The following NFASC variants were observed in gnomAD, a reference collection of about 807,000 sequenced individuals.
The protein encoded by NFASC is neurofascin homolog.
NFASC carries 43 observed loss-of-function variants against 147.5 expected under a neutral mutation model. That is an observed-to-expected ratio of 0.29 (90% confidence interval 0.23 to 0.38). The LOEUF is 0.38. Among genes scored for constraint, NFASC ranks in the 10% least tolerant of loss-of-function variants. The pLI, the probability that NFASC is intolerant of heterozygous loss-of-function variation, is 1.00. For synonymous variants in NFASC, 622 were observed against 665.5 expected (o/e 0.93, Z 1.01); for missense variants, 1,320 against 1,689.0 (o/e 0.78, Z 3.83).
intron 1 of NFASC, among the ~76,000 whole-genome samples, chr1:204,872,667 A>C (rs2077944148): frequency 1.3e-5 from 2 of 152,154 alleles, no homozygotes. Flanking sequence ...GAGGGCCTTC[A>C]TCATAGAGTT....
At position 204,987,995 on chromosome 1, in the gene NFASC, G is replaced by T. The variant is rs1251397488; in HGVS notation, c.2593+455G>T. Among the ~76,000 whole-genome samples the T allele has an allele frequency of 6.6e-6, 1 of 152,172 alleles. No homozygotes were observed. Among genetic ancestry groups the T allele is most frequent in the Non-Finnish European group, 1.5e-5 (1 of 68,038 alleles). On this transcript the variant is annotated intron_variant, in intron 22 of 29. Coordinates refer to ENST00000339876, the MANE Select transcript of NFASC (RefSeq NM_001005388.3). The surrounding 1 kb of genome is among the most constrained non-coding windows in gnomAD (Gnocchi z 4.4). ...TAGAGCTGCCCGGTGACTGTGGGGT[G>T]ACCCGAATCAGGAGCCTGGGTTGGA...
At chr1:205,009,431 AG>A in intron 27 of NFASC, 125 bp from the exon 28 acceptor site, 2 of 1,007,270 alleles carry the variant, frequency 2.0e-6, no homozygotes, top group Non-Finnish European at 3.2e-6. Context: ...GGGGGCTGCT[AG>A]GTGGTAGTGT....
rs2095371548 is a variant in NFASC at position 204,975,263 on chromosome 1, C to T, written c.1559-8C>T. On this transcript the variant is annotated splice_polypyrimidine_tract_variant and splice_region_variant and intron_variant, in intron 14 of 29. Coordinates refer to ENST00000339876, the MANE Select transcript of NFASC (RefSeq NM_001005388.3). The surrounding 1 kb of genome is among the most constrained non-coding windows in gnomAD (Gnocchi z 4.0). The stretch of plus-strand genomic sequence containing the variant: ...GGCCAGTGGCGAGTGCTCTGGGCTT[C>T]TCCACAGACCCCACCAGGATCTACC... 1 of 1,605,176 alleles carries T rather than the reference C, an allele frequency of 6.2e-7. No homozygotes were observed. Among genetic ancestry groups the T allele is most frequent in the Non-Finnish European group, 8.5e-7 (1 of 1,174,364 alleles).
At chr1:204,943,778 C>T (rs2149789793) in intron 2 of NFASC, among the ~76,000 whole-genome samples, 4 of 152,324 alleles carry the variant, frequency 2.6e-5, no homozygotes, top group Middle Eastern at 6.8e-3. Context: ...GAGATTGGTG[C>T]ATTTCTTACC....
chr1:204,879,972 C>T lies in NFASC; in HGVS notation c.-199-40660C>T, dbSNP rs76719827. ...GGGCACAGCTGGTGGTGCTGGCCCTCTCATTCTGGGGTGAAGTGGCTTGGC... is the reference window on the plus strand; with the variant it reads ...GGGCACAGCTGGTGGTGCTGGCCCTTTCATTCTGGGGTGAAGTGGCTTGGC... On this transcript the variant is annotated intron_variant, in intron 1 of 29. Transcript: ENST00000339876. Among the ~76,000 whole-genome samples, 1,417 of 152,284 alleles carry T rather than the reference C, an allele frequency of 9.3e-3. 35 individuals are homozygous for T. The highest frequency in any genetic ancestry group is 0.033 in the African/African-American group (1,352 of 41,546).
In NFASC at chr1:204,976,688, A is replaced by G. The variant is rs1163270206; in HGVS notation, c.1724A>G (p.Asp575Gly). ...CTTTGCAGGATGAAGAAGGAAGACG[A>G]CTCCCTGACCATCTTTGGGGTGGCA... ...YIGNRMKKED[D>G]SLTIFGVAER... Residue 575 changes from aspartate to glycine, a missense_variant, in exon 16 of 30, where the codon GAC becomes GGC. This residue lies in a region of NFASC where 981 missense variants were observed against 1,289.5 expected (regional missense o/e 0.76). Transcript: ENST00000339876. 1 of 1,613,212 alleles carries G rather than the reference A, an allele frequency of 6.2e-7. No homozygotes were observed. Among genetic ancestry groups the G allele is most frequent in the South Asian group, 1.1e-5 (1 of 90,962 alleles).
At position 204,828,747 on chromosome 1, in the gene NFASC, G is replaced by A; in HGVS notation, c.-235G>A. On this transcript the variant is annotated 5_prime_UTR_variant, in exon 1 of 30. Transcript: ENST00000339876. ...TGGCGGCGCCGGCAGCGGACAGCTC[G>A]GACAGCGCCCAGGGCCGGAGCCCGA... 1.0e-6 allele frequency: 1 copy of A among 985,990 alleles called. No homozygotes were observed. The highest frequency in any genetic ancestry group is 1.2e-6 in the Non-Finnish European group (1 of 830,502). The allele number at this position is 985,990 out of a possible 1,614,324, so 61.1% of individuals were successfully genotyped here.
intron 2 of NFASC, 107 bp downstream of exon 2, chr1:204,920,847 C>T (rs1407316016): frequency 8.8e-6 from 4 of 453,322 alleles, no homozygotes; most frequent in Non-Finnish European, 1.2e-5. Flanking sequence ...GTTTGCCTGG[C>T]CCCAGGAATC....
In NFASC at chr1:204,954,466, G is replaced by T. The variant is rs986400845; in HGVS notation, c.412+82G>T. 26 of 1,353,570 alleles carry T rather than the reference G, an allele frequency of 1.9e-5. No individual in the cohort carries two copies. The highest frequency in any genetic ancestry group is 2.4e-5 in the Non-Finnish European group (24 of 980,086). 83.8% of individuals were successfully genotyped at this position (1,353,570 alleles called of 1,614,324 possible). A position where few individuals can be genotyped will look rare whatever the true frequency, so the allele number is the denominator to read the frequency against. On this transcript the variant is annotated intron_variant, in intron 6 of 29. Transcript: ENST00000339876. The surrounding 1 kb of genome is among the most constrained non-coding windows in gnomAD (Gnocchi z 5.7). Reference sequence around the variant, plus strand: ...GGGTGTGGAAGGCCATTCCAGAAGGGCTGCCCCTGCCCTTGGCCTGCAGTT... The same window carrying T: ...GGGTGTGGAAGGCCATTCCAGAAGGTCTGCCCCTGCCCTTGGCCTGCAGTT...
intron 1 of NFASC, among the ~76,000 whole-genome samples, chr1:204,875,588 C>T (rs748357445): frequency 9.2e-5 from 14 of 152,134 alleles, no homozygotes; most frequent in Non-Finnish European, 1.5e-4. Flanking sequence ...CGGGAGGCCT[C>T]GAGGGCTGGA....
chr1:205,007,747 T>C (rs1251864333), intron 27 of NFASC, among the ~76,000 whole-genome samples: 1 of 152,062 alleles, frequency 6.6e-6, no homozygotes, highest in African/African-American at 2.4e-5. Flanking sequence ...GGCTGGAGCA[T>C]AAAGCATGAG....
intron 1 of NFASC, among the ~76,000 whole-genome samples, chr1:204,888,729 G>A (rs2081814264): frequency 6.6e-6 from 1 of 152,220 alleles, no homozygotes; most frequent in Admixed American, 6.5e-5. Flanking sequence ...ATATAGTAGA[G>A]ATTTTAAAAT....
chr1:204,852,442 G>A (rs1338465391), intron 1 of NFASC, among the ~76,000 whole-genome samples: 2 of 152,234 alleles, frequency 1.3e-5, no homozygotes, highest in Non-Finnish European at 2.9e-5. Context: ...AGAGGTGGCA[G>A]TGAGCTGAGA....
chr1:204,944,623 G>A (rs2093591593), intron 3 of NFASC: 1 of 543,922 alleles, frequency 1.8e-6, no homozygotes, highest in Admixed American at 3.6e-5. Context: ...AGTTTCTCAG[G>A]GCTGTGGCTG....
intron 3 of NFASC, chr1:204,946,746 C>G (rs1270789727): frequency 1.9e-6 from 1 of 519,046 alleles, no homozygotes; most frequent in Middle Eastern, 3.2e-4. Context: ...TGGCCTTCCT[C>G]TGCAAGTGGA....
Position 204,981,968 on chromosome 1 carries a change from C to G in NFASC, c.2418C>G (p.Asp806Glu), listed in dbSNP as rs1210625108. Residue 806 changes from aspartate (D) to glutamate (E), a missense_variant, in exon 21 of 30, where the codon GAC becomes GAG. Asp to Glu is a conservative substitution (Grantham distance 45, BLOSUM62 2). Coordinates refer to ENST00000339876, the MANE Select transcript of NFASC (RefSeq NM_001005388.3). ...AGATCCGAGTCCAGGCTGAAAATGA[C>G]TTCGGGAAGGGCCCTGAGCCAGAGT... ...PYEIRVQAEN[D>E]FGKGPEPESV... The G allele has an allele frequency of 1.7e-5, 28 of 1,607,088 alleles. No individual in the cohort carries two copies. The highest frequency in any genetic ancestry group is 2.4e-5 in the Non-Finnish European group (28 of 1,176,810).
chr1:204,970,836 A>G (rs2095219928), intron 11 of NFASC, 89 bp downstream of exon 11: 2 of 1,530,500 alleles, frequency 1.3e-6, no homozygotes, highest in Admixed American at 1.8e-5. Flanking sequence ...TGCTGGTCAC[A>G]CTAGAAGTTC....
At chr1:204,829,179 C>A (rs553090335) in intron 1 of NFASC, among the ~76,000 whole-genome samples, 1 of 150,252 alleles carries the variant, frequency 6.7e-6, no homozygotes, top group Admixed American at 6.6e-5. Flanking sequence ...TATTTCCTAC[C>A]GCACACATCA....
chr1:204,920,926 A>G (rs1368291488), intron 2 of NFASC, among the ~76,000 whole-genome samples, 186 bp downstream of exon 2: 8 of 152,156 alleles, frequency 5.3e-5, no homozygotes, highest in Non-Finnish European at 1.2e-4. Flanking sequence ...CTGCATGCCA[A>G]AGTTCTCCTT....
Sources: gnomAD v4.1 joint callset for allele counts (sites outside exome capture counted in the v4.1 genomes callset) on GRCh38, gnomAD v4.1.1 for gene constraint, gnomAD v4.1.1 regional missense constraint, Gnocchi (gnomAD v3.1) non-coding constraint, MANE v1.5 for transcripts, NCBI Gene and HGNC (gene_info 2026-07-23, HGNC 2026-07-21) for gene names.